Variants in POU4F1 observed in about 807,000 individuals in gnomAD.
The protein encoded by POU4F1 is POU class 4 homeobox 1, also known as POU domain, class 4, transcription factor 1.
Under a neutral mutation model 19.8 loss-of-function variants are expected in POU4F1, and 5 were observed. The ratio of observed to expected loss-of-function variants is 0.25; its 90% CI spans 0.13 to 0.53. The LOEUF is 0.53. Ranked by LOEUF, POU4F1 falls within the 20% of genes least tolerant of loss-of-function variation. The probability of loss-of-function intolerance (pLI) is 0.96; values close to 1 mark genes in which losing one functional copy is unlikely to be tolerated. For missense variants in POU4F1, 408 were observed against 511.6 expected, an observed-to-expected ratio of 0.80 and a Z score of 1.95; for synonymous variants, 266 against 247.7, an observed-to-expected ratio of 1.07 and a Z score of -0.69.
In POU4F1 at chr13:78,601,866, G is replaced by A. The variant is rs772053847; in HGVS notation, c.809C>T (p.Ala270Val). 2 of 1,593,794 alleles carry A rather than the reference G, an allele frequency of 1.3e-6. No individual in the cohort carries two copies. The highest frequency in any genetic ancestry group is 3.4e-5 in the Admixed American group (2 of 58,734). Residue 270 changes from alanine (A) to valine (V), a missense_variant, in exon 2 of 2, where the codon GCG becomes GTG. By Grantham distance (64) the Ala-to-Val change is moderately conservative. This residue lies in a region of POU4F1 where 40 missense variants were observed against 100.7 expected (regional missense o/e 0.40). Transcript: ENST00000377208. The stretch of plus-strand genomic sequence containing the variant: ...CCGCTGCTTGAAGCGCTCCGCGAAC[G>A]CCTCGAGCTCGCGCGGGTCCGTGTC... Reference protein sequence around the residue: ...DSDTDPRELEAFAERFKQRRI... With the variant: ...DSDTDPRELEVFAERFKQRRI...
rs1033419706 is a variant in POU4F1 at position 78,601,660 on chromosome 13, C to T, written c.1015G>A (p.Ala339Thr). ...LQAWLEEAEG[A>T]QREKMNKPEL... ...GGCTTGTTCATTTTCTCGCGCTGGG[C>T]GCCCTCGGCCTCCTCGAGCCACGCC... is the stretch of plus-strand genomic sequence containing the variant. Residue 339 changes from alanine (A) to threonine (T), a missense_variant, in exon 2 of 2, where the codon GCC (alanine) becomes ACC (threonine). By Grantham distance (58) the Ala-to-Thr change is moderately conservative. Transcript: ENST00000377208. 2 of 1,613,524 alleles carry T rather than the reference C, an allele frequency of 1.2e-6. No homozygotes were observed. Among genetic ancestry groups the T allele is most frequent in the South Asian group, 1.1e-5 (1 of 91,078 alleles).
In POU4F1 at chr13:78,601,476, C is replaced by T; in HGVS notation, c.1199G>A (p.Arg400Gln). Residue 400 changes from arginine (R) to glutamine (Q), a missense_variant, in exon 2 of 2, where the codon CGG becomes CAG. Arg to Gln is a conservative substitution (Grantham distance 43). Coordinates refer to ENST00000377208, the MANE Select transcript of POU4F1 (RefSeq NM_006237.4). Reference protein sequence around the residue: ...EKLDLKKNVVRVWFCNQRQKQ... With the variant: ...EKLDLKKNVVQVWFCNQRQKQ... ...CTGTCTCTGGTTGCAAAACCACACCCGCACCACGTTCTTTTTGAGGTCCAG... is the reference window on the plus strand; with the variant it reads ...CTGTCTCTGGTTGCAAAACCACACCTGCACCACGTTCTTTTTGAGGTCCAG... The T allele has an allele frequency of 6.2e-7, 1 of 1,613,836 alleles. No homozygotes were observed. The highest frequency in any genetic ancestry group is 1.1e-5 in the South Asian group (1 of 91,078).
At position 78,602,555 on chromosome 13, in the gene POU4F1, C is replaced by T. The variant is rs756049643; in HGVS notation, c.124-4G>A. 50 of 1,505,412 alleles carry T rather than the reference C, an allele frequency of 3.3e-5. No individual in the cohort carries two copies. The highest frequency in any genetic ancestry group is 4.2e-5 in the Non-Finnish European group (48 of 1,131,782). 93.3% of individuals were successfully genotyped at this position (1,505,412 alleles called of 1,614,324 possible). The stretch of plus-strand genomic sequence containing the variant: ...TGGCGAAGAGGTTGCTCTGCAGCTG[C>T]AGGCGACACAAACCAAACCAAAAAA... On this transcript the variant is annotated splice_polypyrimidine_tract_variant and splice_region_variant and intron_variant, in intron 1 of 1. Coordinates refer to ENST00000377208, the MANE Select transcript of POU4F1 (RefSeq NM_006237.4).
At position 78,602,476 on chromosome 13, in the gene POU4F1, C is replaced by T. The variant is rs999560525; in HGVS notation, c.199G>A (p.Ala67Thr). 2 of 1,597,246 alleles carry T rather than the reference C, an allele frequency of 1.3e-6. No homozygotes were observed. The highest frequency in any genetic ancestry group is 8.5e-7 in the Non-Finnish European group (1 of 1,173,988). The change falls in exon 2 of 2, where the codon GCC becomes ACC. Residue 67 changes from alanine to threonine, a missense_variant. By Grantham distance (58) the Ala-to-Thr change is moderately conservative (BLOSUM62 0). Around this residue, in one of 4 missense-constraint regions of POU4F1, gnomAD observed 294 missense variants for 288.2 expected, o/e 1.02. Transcript: ENST00000377208. ...RAEALAAVDI[A>T]VSQGKSHPFK... ...GGATGGCTCTTGCCCTGGGACACGGCGATGTCCACGGCCGCCAGCGCCTCG... is the reference window on the plus strand; with the variant it reads ...GGATGGCTCTTGCCCTGGGACACGGTGATGTCCACGGCCGCCAGCGCCTCG...
chr13:78,602,132 CCCGCCGCCCGGGCCGCCGCCG>C lies in POU4F1; in HGVS notation c.522_542del (p.Gly175_Gly181del), dbSNP rs1163245473. 14 of 172,266 alleles carry C rather than the reference CCCGCCGCCCGGGCCGCCGCCG, an allele frequency of 8.1e-5. No individual in the cohort carries two copies. The South Asian group carries it at 1.5e-3, about 18-fold the overall frequency. The allele number at this position is 172,266 out of a possible 1,614,324, so 10.7% of individuals were successfully genotyped here. On this transcript the variant is annotated inframe_deletion, in exon 2 of 2. Coordinates refer to ENST00000377208, the MANE Select transcript of POU4F1 (RefSeq NM_006237.4). ...GAGGGTGCGCGGAGCCGCCCAGGAG[CCCGCCGCCCGGGCCGCCGCCG>C]CCGCCCCCCGGGCCGCCACCGCCGC...
Position 78,602,229 on chromosome 13 carries a change from C to A in POU4F1, c.446G>T (p.Gly149Val). 1 of 949,948 alleles carries A rather than the reference C, an allele frequency of 1.1e-6. No homozygotes were observed. Among genetic ancestry groups the A allele is most frequent in the South Asian group, 4.8e-5 (1 of 20,792 alleles). The allele number at this position is 949,948 out of a possible 1,614,324, so 58.8% of individuals were successfully genotyped here. The change falls in exon 2 of 2, where the codon GGC becomes GTC. Residue 149 changes from glycine (G) to valine (V), a missense_variant. Coordinates refer to ENST00000377208, the MANE Select transcript of POU4F1 (RefSeq NM_006237.4). The stretch of plus-strand genomic sequence containing the variant: ...GCCGCCGCCGCCCGGGCCGCCACCG[C>A]CCCCCGGGCCGTCGTGGGCGCCGCC... ...GGGGAHDGPGGGGGPGGGGGP... is the reference protein window; with the variant it reads ...GGGGAHDGPGVGGGPGGGGGP...
In POU4F1 at chr13:78,601,298, C is replaced by A. The variant is rs1020692049; in HGVS notation, c.*117G>T. On this transcript the variant is annotated 3_prime_UTR_variant, in exon 2 of 2. Transcript: ENST00000377208. ...AGGAAAGAGAGCGAGAAGGGACTCC[C>A]CAAATGCAGGCAGGATAACGGACAC... 8.8e-6 allele frequency: 13 copies of A among 1,482,990 alleles called. No homozygotes were observed. In the African/African-American group the frequency reaches 1.3e-4, roughly 14 times the overall value. The allele number at this position is 1,482,990 out of a possible 1,614,324, so 91.9% of individuals were successfully genotyped here. A position where few individuals can be genotyped will look rare whatever the true frequency, so the allele number is the denominator to read the frequency against.
chr13:78,603,328 G>T lies in POU4F1; in HGVS notation c.-2C>A, dbSNP rs777604768. The stretch of plus-strand genomic sequence containing the variant: ...CTGCTTGCTGTTCATGGACATCATC[G>T]TGGCGGCTTGGCATGTATATCCACA... On this transcript the variant is annotated 5_prime_UTR_variant, in exon 1 of 2. Transcript: ENST00000377208. 7.0e-6 allele frequency: 11 copies of T among 1,576,192 alleles called. No individual in the cohort carries two copies. The highest frequency in any genetic ancestry group is 9.5e-6 in the Non-Finnish European group (11 of 1,162,150).
Position 78,602,132 on chromosome 13 carries a change from CCCGCCGCCCGGGCCGCCG to C in POU4F1, c.525_542del (p.Gly176_Gly181del), listed in dbSNP as rs1396574023. The C allele has an allele frequency of 1.7e-5, 3 of 172,256 alleles. No individual in the cohort carries two copies. Among genetic ancestry groups the C allele is most frequent in the Admixed American group, 6.9e-5 (1 of 14,498 alleles). 10.7% of individuals were successfully genotyped at this position (172,256 alleles called of 1,614,324 possible). A position where few individuals can be genotyped will look rare whatever the true frequency, so the allele number is the denominator to read the frequency against. ...GAGGGTGCGCGGAGCCGCCCAGGAG[CCCGCCGCCCGGGCCGCCG>C]CCGCCGCCCCCCGGGCCGCCACCGC... On this transcript the variant is annotated inframe_deletion, in exon 2 of 2. Coordinates refer to ENST00000377208, the MANE Select transcript of POU4F1 (RefSeq NM_006237.4).
rs192268582 is a variant in POU4F1, at chr13:78,600,875, T to C, written c.*540A>G. 13 of 155,230 alleles carry C rather than the reference T, an allele frequency of 8.4e-5. No individual in the cohort carries two copies. The highest frequency in any genetic ancestry group is 3.1e-4 in the African/African-American group (13 of 41,494). The allele number at this position is 155,230 out of a possible 1,614,324, so 9.6% of individuals were successfully genotyped here. On this transcript the variant is annotated 3_prime_UTR_variant, in exon 2 of 2. Transcript: ENST00000377208. ...CTTTTTTCTCTTCTATGGGGGAAAATGAAGTTGCAGATTATGGCTCCCCGG... is the reference window on the plus strand; with the variant it reads ...CTTTTTTCTCTTCTATGGGGGAAAACGAAGTTGCAGATTATGGCTCCCCGG...
At chr13:78,603,067 C>T in intron 1 of POU4F1, 137 bp downstream of exon 1, 3 of 640,114 alleles carry the variant, frequency 4.7e-6, no homozygotes, top group Non-Finnish European at 6.9e-6. Flanking sequence ...AAACGTGCCT[C>T]GCTGCGGGAC....
intron 1 of POU4F1, 100 bp from the exon 2 acceptor site, chr13:78,602,651 G>A: frequency 7.8e-7 from 1 of 1,280,384 alleles, no homozygotes; most frequent in African/African-American, 1.6e-5. Context: ...CACAGCATGC[G>A]AAGGGCAAAC....
Position 78,598,485 on chromosome 13 carries a change from C to A in POU4F1, c.*2930G>T, listed in dbSNP as rs1874578179. The A allele has an allele frequency of 6.7e-6, 1 of 150,346 alleles. No homozygotes were observed. 9.3% of individuals were successfully genotyped at this position (150,346 alleles called of 1,614,324 possible). A position where few individuals can be genotyped will look rare whatever the true frequency, so the allele number is the denominator to read the frequency against. On this transcript the variant is annotated 3_prime_UTR_variant, in exon 2 of 2. Coordinates refer to ENST00000377208, the MANE Select transcript of POU4F1 (RefSeq NM_006237.4). ...TACCTCTAGTGCTTTTTTTTTTTAA[C>A]ATTAACAACTGTTTAAAATCGCAGC...
chr13:78,602,251 CGCCGCCGCCG>C lies in POU4F1; in HGVS notation c.414_423del (p.Gly139AlafsTer67). ...CCGCCCCCCGGGCCGTCGTGGGCGC[CGCCGCCGCCG>C]GCCGCCGCGCCCGCGCCGCCCGCGC... On this transcript the variant is annotated frameshift_variant, in exon 2 of 2. Transcript: ENST00000377208. LOFTEE classifies it high-confidence loss of function. 1.0e-6 allele frequency: 1 copy of C among 986,500 alleles called. No homozygotes were observed. The highest frequency in any genetic ancestry group is 1.2e-6 in the Non-Finnish European group (1 of 832,256). 61.1% of individuals were successfully genotyped at this position (986,500 alleles called of 1,614,324 possible). A position where few individuals can be genotyped will look rare whatever the true frequency, so the allele number is the denominator to read the frequency against.
rs763949757 is a variant in POU4F1, at chr13:78,601,508, G to T, written c.1167C>A (p.Ala389=). The T allele has an allele frequency of 3.7e-6, 6 of 1,613,896 alleles. No individual in the cohort carries two copies. The highest frequency in any genetic ancestry group is 5.1e-6 in the Non-Finnish European group (6 of 1,180,030). Residue 389 remains alanine (A), a synonymous_variant, in exon 2 of 2, where the codon GCC becomes GCA. Transcript: ENST00000377208. ...CGTTCTTTTTGAGGTCCAGTTTCTC[G>T]GCGATGGCGGCGATCTTCTCGGACG... ...RPSSEKIAAI[A]EKLDLKKNVV... is the part of the protein sequence containing the mutation.
chr13:78,601,108 G>A lies in POU4F1; in HGVS notation c.*307C>T. The A allele has an allele frequency of 2.5e-6, 1 of 398,148 alleles. No homozygotes were observed. The highest frequency in any genetic ancestry group is 4.6e-6 in the Non-Finnish European group (1 of 218,800). The allele number at this position is 398,148 out of a possible 1,614,324, so 24.7% of individuals were successfully genotyped here. Reference sequence around the variant, plus strand: ...CCCACCCAAACCCCAGAACCATCCTGCTCCTTAAAACCCCTGCTCGGGTCT... The same window carrying A: ...CCCACCCAAACCCCAGAACCATCCTACTCCTTAAAACCCCTGCTCGGGTCT... On this transcript the variant is annotated 3_prime_UTR_variant, in exon 2 of 2. Coordinates refer to ENST00000377208, the MANE Select transcript of POU4F1 (RefSeq NM_006237.4).
At chr13:78,602,617 G>GAA in intron 1 of POU4F1, 66 bp from the exon 2 acceptor site, 4 of 1,353,526 alleles carry the variant, frequency 3.0e-6, no homozygotes, top group Non-Finnish European at 3.8e-6. Context: ...AACAACAGAA[G>GAA]AAACACACAC....
At position 78,599,285 on chromosome 13, in the gene POU4F1, G is replaced by GA. The variant is rs1026861653; in HGVS notation, c.*2129dup. The GA allele has an allele frequency of 2.6e-5, 4 of 152,544 alleles. No homozygotes were observed. The highest frequency in any genetic ancestry group is 1.9e-4 in the East Asian group (1 of 5,200). 9.4% of individuals were successfully genotyped at this position (152,544 alleles called of 1,614,324 possible). A position where few individuals can be genotyped will look rare whatever the true frequency, so the allele number is the denominator to read the frequency against. ...AGTAAGGGAGGAGAAAGGTAAAAGA[G>GA]AAAAAACATAACCAAGGAGAAAGCT... On this transcript the variant is annotated 3_prime_UTR_variant, in exon 2 of 2. Coordinates refer to ENST00000377208, the MANE Select transcript of POU4F1 (RefSeq NM_006237.4).
chr13:78,601,799 C>A lies in POU4F1; in HGVS notation c.876G>T (p.Ala292=), dbSNP rs762201674. 12 of 1,612,514 alleles carry A rather than the reference C, an allele frequency of 7.4e-6. No homozygotes were observed. Among genetic ancestry groups the A allele is most frequent in the African/African-American group, 1.3e-5 (1 of 74,910 alleles). ...LGVTQADVGS[A]LANLKIPGVG... The stretch of plus-strand genomic sequence containing the variant: ...CGCCCGGGATCTTGAGGTTGGCCAG[C>A]GCCGAGCCCACGTCGGCCTGCGTCA... Residue 292 remains alanine, a synonymous_variant, in exon 2 of 2, where the codon GCG becomes GCT. Transcript: ENST00000377208.
Sources: gnomAD v4.1 joint callset for allele counts on GRCh38, gnomAD v4.1.1 for gene constraint, gnomAD v4.1.1 regional missense constraint, MANE v1.5 for transcripts, NCBI Gene and HGNC (gene_info 2026-07-23, HGNC 2026-07-21) for gene names.